The following PHF24 variants were observed in gnomAD, a reference collection of about 807,000 sequenced individuals.
The protein encoded by PHF24 is Galpha inhibitory interacting protein.
A neutral mutation model predicts 42.6 loss-of-function variants in PHF24; 25 were observed. The observed-to-expected ratio is 0.59, with a 90% CI of 0.43 to 0.82. The LOEUF (loss-of-function observed/expected upper bound fraction) is 0.82, where lower values mean the gene tolerates loss of function less well. Among genes scored for constraint, PHF24 ranks in the 40% least tolerant of loss-of-function variants. The pLI, the probability that PHF24 is intolerant of heterozygous loss-of-function variation, is 0.00. For missense variants in PHF24, 470 were observed against 538.1 expected, an observed-to-expected ratio of 0.87 and a Z score of 1.25; for synonymous variants, 185 against 204.8, an observed-to-expected ratio of 0.90 and a Z score of 0.83.
At chr9:34,811,655 C>T in the PHF24 span, among the ~76,000 whole-genome samples, 1 of 151,882 alleles carries the variant, frequency 6.6e-6, no homozygotes, top group Non-Finnish European at 1.5e-5. Context: ...GGCTAAATAG[C>T]CTAAGACAAG....
At chr9:34,753,034 A>G in the PHF24 span, among the ~76,000 whole-genome samples, 2 of 152,288 alleles carry the variant, frequency 1.3e-5, no homozygotes, top group African/African-American at 2.4e-5. Flanking sequence ...ACATGCCTCA[A>G]CATAATAAAA....
At chr9:34,893,529 A>G in the PHF24 span, among the ~76,000 whole-genome samples, 1 of 151,974 alleles carries the variant, frequency 6.6e-6, no homozygotes, top group Non-Finnish European at 1.5e-5. Flanking sequence ...TGAACCTGGG[A>G]GACGGAGCTT....
the PHF24 span, among the ~76,000 whole-genome samples, chr9:34,949,515 T>C: frequency 2.3e-4 from 35 of 152,244 alleles, no homozygotes; most frequent in African/African-American, 7.0e-4. Context: ...ATCCAAAGGA[T>C]TATAAATCAT....
the PHF24 span, among the ~76,000 whole-genome samples, chr9:34,782,597 C>G: frequency 6.6e-6 from 1 of 152,164 alleles, no homozygotes; most frequent in Non-Finnish European, 1.5e-5. Context: ...AGTGGAAGTA[C>G]TAGACTTCCA....
the PHF24 span, chr9:34,724,976 A>ACC: frequency 1.6e-5 from 25 of 1,551,782 alleles, no homozygotes; most frequent in Non-Finnish European, 2.1e-5. Flanking sequence ...GTGTTCAGTG[A>ACC]CAGTACCTGG....
chr9:34,714,837 C>G, the PHF24 span, among the ~76,000 whole-genome samples: 4 of 152,186 alleles, frequency 2.6e-5, no homozygotes, highest in Non-Finnish European at 5.9e-5. Flanking sequence ...GGCTTGCTTT[C>G]TCTCCAAGAT....
chr9:34,960,242 C>T (rs564401660), intron 1 of PHF24, among the ~76,000 whole-genome samples: 189 of 152,280 alleles, frequency 1.2e-3, no homozygotes, highest in Middle Eastern at 3.4e-3. Flanking sequence ...GCTCCCCTTC[C>T]CTGCTTTCTT....
chr9:34,916,853 A>C, the PHF24 span, among the ~76,000 whole-genome samples: 1 of 152,226 alleles, frequency 6.6e-6, no homozygotes, highest in Admixed American at 6.5e-5. Context: ...GCAACTTAAA[A>C]AGATAATATT....
the PHF24 span, chr9:34,892,959 A>G: frequency 1.4e-6 from 1 of 695,362 alleles, no homozygotes; most frequent in South Asian, 1.6e-5. Flanking sequence ...CTATGCTTAA[A>G]AGACACACTA....
the PHF24 span, among the ~76,000 whole-genome samples, chr9:34,740,991 T>A: frequency 1.5e-3 from 229 of 152,154 alleles, no homozygotes; most frequent in Middle Eastern, 0.017. Flanking sequence ...GTTCAAGCAA[T>A]TCTCCTGCTT....
At chr9:34,882,289 T>C in the PHF24 span, among the ~76,000 whole-genome samples, 11 of 152,196 alleles carry the variant, frequency 7.2e-5, no homozygotes, top group African/African-American at 1.7e-4. Context: ...AGCATTCCCT[T>C]TGAAAACTGG....
chr9:34,866,490 G>A, the PHF24 span, among the ~76,000 whole-genome samples: 15 of 152,020 alleles, frequency 9.9e-5, no homozygotes, highest in Non-Finnish European at 1.6e-4. Context: ...GGAAGGCCAC[G>A]TACCTTACAT....
chr9:34,740,260 A>G, the PHF24 span, among the ~76,000 whole-genome samples: 1 of 152,142 alleles, frequency 6.6e-6, no homozygotes, highest in Admixed American at 6.5e-5. Context: ...TGGGTGGTCG[A>G]TGGGACTGGG....
chr9:34,690,956 C>A, the PHF24 span: 1 of 735,556 alleles, frequency 1.4e-6, no homozygotes, highest in Non-Finnish European at 2.2e-6. Context: ...GCCAGGCTCA[C>A]CGAAATATAC....
chr9:34,889,795 A>C, the PHF24 span, among the ~76,000 whole-genome samples: 5 of 152,134 alleles, frequency 3.3e-5, no homozygotes, highest in Admixed American at 2.0e-4. Flanking sequence ...TCTGAAAAAA[A>C]TTTACCCCTT....
At chr9:34,839,890 A>G in the PHF24 span, among the ~76,000 whole-genome samples, 1 of 152,190 alleles carries the variant, frequency 6.6e-6, no homozygotes, top group Non-Finnish European at 1.5e-5. Context: ...TTGGTCAGAG[A>G]GGGTTCCTGG....
chr9:34,920,326 A>G, the PHF24 span, among the ~76,000 whole-genome samples: 2 of 152,042 alleles, frequency 1.3e-5, no homozygotes, highest in African/African-American at 2.4e-5. Context: ...CTGTAGATGT[A>G]TGCATTTGTT....
chr9:34,889,174 A>G, the PHF24 span: 1 of 398,652 alleles, frequency 2.5e-6, no homozygotes, highest in Non-Finnish European at 4.4e-6. Context: ...TCAGGAACCT[A>G]TGAACTCCTT....
At chr9:34,957,838 A>AC (rs1563923534), upstream of PHF24, 2 of 151,092 alleles carry the variant, frequency 1.3e-5, no homozygotes, top group African/African-American at 4.9e-5. Flanking sequence ...CCCCCACCCA[A>AC]CCCCCGGCGC....
Sources: allele counts gnomAD v4.1 joint callset (sites outside exome capture counted in the v4.1 genomes callset), GRCh38; gene constraint gnomAD v4.1.1; transcripts MANE v1.5; gene names NCBI Gene and HGNC (gene_info 2026-07-23, HGNC 2026-07-21).